The following ARAP2 variants were observed in gnomAD, a reference collection of about 807,000 sequenced individuals.
ARAP2 encodes the protein ArfGAP with RhoGAP domain, ankyrin repeat and PH domain 2, also known as arf-GAP with Rho-GAP domain, ANK repeat and PH domain-containing protein 2.
Under a neutral mutation model 194.5 loss-of-function variants are expected in ARAP2, and 148 were observed. The ratio of observed to expected loss-of-function variants is 0.76; its 90% CI spans 0.67 to 0.87. The LOEUF is 0.87. Among genes scored for constraint, ARAP2 ranks in the 40% least tolerant of loss-of-function variants. The probability of loss-of-function intolerance (pLI) is 0.00; values close to 1 mark genes in which losing one functional copy is unlikely to be tolerated. For missense variants in ARAP2, 2,128 were observed against 1,989.7 expected, an observed-to-expected ratio of 1.07 and a Z score of -1.32; for synonymous variants, 695 against 683.5, an observed-to-expected ratio of 1.02 and a Z score of -0.26.
rs777943266 is a variant in ARAP2, at chr4:36,121,343, T to C, written c.3747-17A>G. ...TTCTGAACCCTGTCAGAGAAAAGCA[T>C]AGTTTATTATGATACACTTTTATTT... On this transcript the variant is annotated splice_polypyrimidine_tract_variant and intron_variant, in intron 22 of 32. Coordinates refer to ENST00000303965, the MANE Select transcript of ARAP2 (RefSeq NM_015230.4). The C allele has an allele frequency of 2.6e-6, 4 of 1,557,702 alleles. No individual in the cohort carries two copies. The highest frequency in any genetic ancestry group is 1.7e-4 in the Middle Eastern group (1 of 5,800).
Position 36,119,925 on chromosome 4 carries a change from A to G in ARAP2, c.3895-207T>C, listed in dbSNP as rs1052278630. ...CTAAAGTTCAAAATATTTTATGATG[A>G]TACTACTTCAGGCTGCAATTGCATT... On this transcript the variant is annotated intron_variant, in intron 23 of 32. Coordinates refer to ENST00000303965, the MANE Select transcript of ARAP2 (RefSeq NM_015230.4). 2.0e-5 allele frequency among the ~76,000 whole-genome samples: 3 copies of G among 151,476 alleles called. No homozygotes were observed. In the Admixed American group the frequency reaches 2.0e-4, roughly 10 times the overall value.
At chr4:36,063,653 T>C (rs949249918), downstream of ARAP2, among the ~76,000 whole-genome samples, 7 of 152,176 alleles carry the variant, frequency 4.6e-5, no homozygotes, top group Admixed American at 3.3e-4. Flanking sequence ...AAAATGGTAC[T>C]TTAGGTCACT....
At position 36,147,606 on chromosome 4, in the gene ARAP2, G is replaced by A. The variant is rs777537772; in HGVS notation, c.3141C>T (p.Cys1047=). Residue 1047 remains cysteine, a synonymous_variant, in exon 18 of 33, where the codon TGC becomes TGT. Transcript: ENST00000303965. ...FAMDKSSLHF[C]LQMQEVQGDR... is the part of the protein sequence containing the mutation. ...CTCCCTGAACTTCTTGCATTTGAAGGCAAAAATGCAAGCTGGATTTGTCCA... is the reference window on the plus strand; with the variant it reads ...CTCCCTGAACTTCTTGCATTTGAAGACAAAAATGCAAGCTGGATTTGTCCA... 1.6e-5 allele frequency: 26 copies of A among 1,613,364 alleles called. No homozygotes were observed. The East Asian group carries it at 5.6e-4, about 35-fold the overall frequency.
intron 31 of ARAP2, among the ~76,000 whole-genome samples, chr4:36,077,840 C>G (rs373179625): frequency 2.6e-5 from 4 of 152,216 alleles, no homozygotes; most frequent in African/African-American, 9.6e-5. Context: ...TAGAATAAAA[C>G]AAGACAGTGA....
chr4:36,008,693 C>G (rs1354647831), intron 9 of ARAP2, among the ~76,000 whole-genome samples: 1 of 151,798 alleles, frequency 6.6e-6, no homozygotes, highest in East Asian at 1.9e-4. Flanking sequence ...CAAAAATTGG[C>G]TAATGACAGG....
chr4:36,220,882 T>G (rs1387005756), intron 2 of ARAP2, among the ~76,000 whole-genome samples: 1 of 152,070 alleles, frequency 6.6e-6, no homozygotes, highest in Admixed American at 6.6e-5. Context: ...TAGGGTTAAT[T>G]TATCATTGAA....
chr4:36,158,702 T>G (rs751000112), intron 15 of ARAP2, 28 bp downstream of exon 15: 4 of 1,553,466 alleles, frequency 2.6e-6, no homozygotes, highest in Non-Finnish European at 3.5e-6. Context: ...TTTTATCTGA[T>G]AATATCTAAA....
At chr4:36,168,963 A>AT (rs1164452668) in intron 9 of ARAP2, among the ~76,000 whole-genome samples, 2 of 151,932 alleles carry the variant, frequency 1.3e-5, no homozygotes, top group Non-Finnish European at 2.9e-5. Context: ...CTTGATTATT[A>AT]TTTTTTTTAA....
intron 2 of ARAP2, among the ~76,000 whole-genome samples, chr4:36,219,522 G>C (rs1429325718): frequency 6.6e-6 from 1 of 152,130 alleles, no homozygotes; most frequent in Non-Finnish European, 1.5e-5. Context: ...TACTGCAAAT[G>C]GTCACAAGAG....
intron 19 of ARAP2, among the ~76,000 whole-genome samples, chr4:36,143,398 G>A (rs192291130): frequency 4.7e-4 from 72 of 151,652 alleles, no homozygotes; most frequent in Admixed American, 2.4e-3. Context: ...TAGAACACTT[G>A]TTGCTTTATA....
intron 16 of ARAP2, 132 bp downstream of exon 16, chr4:36,150,768 G>C: frequency 1.0e-6 from 1 of 972,316 alleles, no homozygotes; most frequent in South Asian, 1.7e-5. Context: ...CGCAAGATAA[G>C]TAAGCTTCAA....
intron 32 of ARAP2, among the ~76,000 whole-genome samples, chr4:36,072,245 G>A (rs1308057728): frequency 6.6e-6 from 1 of 151,910 alleles, no homozygotes; most frequent in Non-Finnish European, 1.5e-5. Context: ...AAAGAGCTTG[G>A]TTTATTTTAA....
chr4:36,164,161 T>G (rs1734745239), intron 11 of ARAP2, among the ~76,000 whole-genome samples: 1 of 152,186 alleles, frequency 6.6e-6, no homozygotes. Flanking sequence ...GTACTTGAGT[T>G]GAATTCTCTC....
intron 32 of ARAP2, among the ~76,000 whole-genome samples, chr4:36,072,349 T>C (rs1727185615): frequency 6.6e-6 from 1 of 152,216 alleles, no homozygotes; most frequent in South Asian, 2.1e-4. Context: ...TTTCCTATCT[T>C]AAATATGTTA....
chr4:36,194,153 C>A (rs376622793), intron 6 of ARAP2, among the ~76,000 whole-genome samples: 1 of 152,054 alleles, frequency 6.6e-6, no homozygotes, highest in African/African-American at 2.4e-5. Context: ...TATACAGAAT[C>A]ATTTATAAGC....
chr4:36,119,862 C>T (rs1340646414), intron 23 of ARAP2, 144 bp from the exon 24 acceptor site: 4 of 520,560 alleles, frequency 7.7e-6, no homozygotes, highest in African/African-American at 1.9e-5. Context: ...TGAGCCCACA[C>T]AGCTAGGGTG....
intron 24 of ARAP2, among the ~76,000 whole-genome samples, chr4:36,119,392 T>C (rs533945431): frequency 1.0e-3 from 152 of 151,680 alleles, no homozygotes; most frequent in African/African-American, 3.6e-3. Flanking sequence ...CATGGTTTTA[T>C]ACACAAAAGT....
At position 36,148,517 on chromosome 4, in the gene ARAP2, G is replaced by T. The variant is rs1730179702; in HGVS notation, c.2898-10C>A. 2 of 1,597,536 alleles carry T rather than the reference G, an allele frequency of 1.3e-6. No homozygotes were observed. Among genetic ancestry groups the T allele is most frequent in the East Asian group, 4.5e-5 (2 of 44,676 alleles). On this transcript the variant is annotated splice_polypyrimidine_tract_variant and intron_variant, in intron 16 of 32. Coordinates refer to ENST00000303965, the MANE Select transcript of ARAP2 (RefSeq NM_015230.4). ...AAAGATAAAGATGGGCCTAAAACAT[G>T]CACAAATAAAAAGATACTACCAGTT...
At chr4:36,126,788 CTTGT>C (rs1358998230) in intron 21 of ARAP2, among the ~76,000 whole-genome samples, 1 of 152,064 alleles carries the variant, frequency 6.6e-6, no homozygotes, top group Admixed American at 6.6e-5. Flanking sequence ...ACAGTGAAGA[CTTGT>C]TTGTCACTCA....
Sources: gnomAD v4.1 joint callset for allele counts (sites outside exome capture counted in the v4.1 genomes callset) on GRCh38, gnomAD v4.1.1 for gene constraint, MANE v1.5 for transcripts, NCBI Gene and HGNC (gene_info 2026-07-23, HGNC 2026-07-21) for gene names.